NKAIN3: variants seen among roughly 807,000 people sequenced by gnomAD.
NKAIN3 encodes the protein sodium/potassium-transporting ATPase subunit beta-1-interacting protein 3.
Under a neutral mutation model 30.2 loss-of-function variants are expected in NKAIN3, and 25 were observed. That is an observed-to-expected ratio of 0.83 (90% CI 0.60 to 1.16). The LOEUF (loss-of-function observed/expected upper bound fraction) is 1.16, where lower values mean the gene tolerates loss of function less well. Among genes scored for constraint, NKAIN3 ranks in the 50% most tolerant of loss-of-function variants. The pLI is 0.00. For missense variants in NKAIN3, 225 were observed against 254.1 expected, an observed-to-expected ratio of 0.89 and a Z score of 0.78; for synonymous variants, 91 against 89.6, an observed-to-expected ratio of 1.02 and a Z score of -0.09.
intron 3 of NKAIN3, among the ~76,000 whole-genome samples, chr8:62,710,760 T>A (rs989211213): frequency 6.6e-5 from 10 of 152,214 alleles, no homozygotes; most frequent in African/African-American, 2.4e-4. Context: ...TTCATCATGC[T>A]CTTCATTGCC....
intron 3 of NKAIN3, among the ~76,000 whole-genome samples, chr8:62,592,683 A>G (rs35915553): frequency 0.094 from 14,330 of 152,046 alleles, 707 homozygotes; most frequent in Middle Eastern, 0.17. Context: ...TTAAAATGAC[A>G]ATAGTTAATG....
At chr8:62,542,944 G>C (rs1040273439) in intron 1 of NKAIN3, among the ~76,000 whole-genome samples, 1 of 152,056 alleles carries the variant, frequency 6.6e-6, no homozygotes. Context: ...GCAGAAGCTA[G>C]TTTCAGAGTT....
chr8:62,326,774 T>C (rs77783226), intron 1 of NKAIN3, among the ~76,000 whole-genome samples: 1,705 of 152,016 alleles, frequency 0.011, 12 homozygotes, highest in Middle Eastern at 0.024. Context: ...TATACAAATA[T>C]CTGTTTGAGC....
At chr8:62,549,798 A>AGGTGATAT (rs1277368531) in intron 1 of NKAIN3, among the ~76,000 whole-genome samples, 1 of 151,476 alleles carries the variant, frequency 6.6e-6, no homozygotes, top group East Asian at 1.9e-4. Flanking sequence ...AAACTTACTA[A>AGGTGATAT]GGTGATATTT....
intron 6 of NKAIN3, among the ~76,000 whole-genome samples, chr8:62,955,771 C>T (rs1047545953): frequency 6.6e-6 from 1 of 152,190 alleles, no homozygotes; most frequent in Non-Finnish European, 1.5e-5. Flanking sequence ...TCACTTCCAT[C>T]TCTGTGAATC....
chr8:62,565,709 G>T (rs535180081), intron 1 of NKAIN3, among the ~76,000 whole-genome samples: 5 of 152,198 alleles, frequency 3.3e-5, no homozygotes, highest in African/African-American at 1.2e-4. Context: ...TTGTGTTGGG[G>T]TTATGTCCTG....
intron 4 of NKAIN3, among the ~76,000 whole-genome samples, chr8:62,914,777 CTTTT>C (rs34474788): frequency 8.9e-6 from 1 of 112,164 alleles, no homozygotes; most frequent in Non-Finnish European, 1.9e-5. Flanking sequence ...TTACTGTAAT[CTTTT>C]TTTTTTTTTT....
At chr8:62,756,178 A>G (rs74640087) in intron 4 of NKAIN3, among the ~76,000 whole-genome samples, 2,147 of 152,266 alleles carry the variant, frequency 0.014, 51 homozygotes, top group African/African-American at 0.048. Context: ...AACCATCACC[A>G]TGGTCAATTT....
At chr8:62,466,916 C>T (rs1286000525) in intron 1 of NKAIN3, among the ~76,000 whole-genome samples, 1 of 152,124 alleles carries the variant, frequency 6.6e-6, no homozygotes, top group Non-Finnish European at 1.5e-5. Context: ...GAGAGATACT[C>T]TCATTTTAAA....
intron 1 of NKAIN3, among the ~76,000 whole-genome samples, chr8:62,418,032 C>A (rs1804506987): frequency 6.6e-6 from 1 of 152,066 alleles, no homozygotes; most frequent in East Asian, 1.9e-4. Context: ...AATTTTTCAT[C>A]CAAAGCAAGT....
chr8:62,823,898 G>A (rs1002001043), intron 4 of NKAIN3, among the ~76,000 whole-genome samples: 1 of 152,130 alleles, frequency 6.6e-6, no homozygotes, highest in South Asian at 2.1e-4. Context: ...GATTCCATGA[G>A]AAACAAGCTC....
intron 5 of NKAIN3, among the ~76,000 whole-genome samples, chr8:62,951,029 T>G (rs1381354352): frequency 2.0e-5 from 3 of 151,726 alleles, no homozygotes; most frequent in Non-Finnish European, 4.4e-5. Flanking sequence ...CCACTCTCTT[T>G]TCTCCAAAAC....
intron 6 of NKAIN3, among the ~76,000 whole-genome samples, chr8:62,963,019 G>A (rs1823614073): frequency 6.6e-6 from 1 of 151,952 alleles, no homozygotes; most frequent in African/African-American, 2.4e-5. Flanking sequence ...AGCCTCCCTA[G>A]TAGCTGGGAT....
chr8:62,687,460 G>C (rs1813834812), intron 3 of NKAIN3, among the ~76,000 whole-genome samples: 1 of 152,160 alleles, frequency 6.6e-6, no homozygotes, highest in Non-Finnish European at 1.5e-5. Flanking sequence ...TGAGTAATCT[G>C]ATGCTATCTT....
intron 3 of NKAIN3, among the ~76,000 whole-genome samples, chr8:62,681,660 T>C (rs956221575): frequency 2.6e-5 from 4 of 152,226 alleles, no homozygotes; most frequent in Non-Finnish European, 5.9e-5. Flanking sequence ...ATTTGTTTAA[T>C]AAATAAGTTT....
rs60036306 is a variant in NKAIN3 at position 62,331,062 on chromosome 8, CCTCT to C, written c.54+81948_54+81951del. Among the ~76,000 whole-genome samples, 580 of 144,456 alleles carry C rather than the reference CCTCT, an allele frequency of 4.0e-3. 7 individuals carry two copies. Among genetic ancestry groups the C allele is most frequent in the African/African-American group, 0.014 (545 of 38,984 alleles). The allele number at this position is 144,456 out of a possible 152,430, so 94.8% of individuals were successfully genotyped here. ...CCTCCCTCCTCTTCTACCTCCTCCTCCTCTCTCTCTCTCTCTGTCTCTCTCTCTC... is the reference window on the plus strand; with the variant it reads ...CCTCCCTCCTCTTCTACCTCCTCCTCCTCTCTCTCTCTGTCTCTCTCTCTC... On this transcript the variant is annotated intron_variant, in intron 1 of 6. Transcript: ENST00000623646.
At chr8:62,738,520 A>G (rs1815749984) in intron 3 of NKAIN3, among the ~76,000 whole-genome samples, 1 of 147,874 alleles carries the variant, frequency 6.8e-6, no homozygotes, top group African/African-American at 2.5e-5. Flanking sequence ...AATTGCTTGG[A>G]CCTAGGAGGC....
intron 3 of NKAIN3, among the ~76,000 whole-genome samples, chr8:62,653,213 C>G (rs1254798012): frequency 6.6e-6 from 1 of 152,154 alleles, no homozygotes; most frequent in Admixed American, 6.5e-5. Flanking sequence ...AGGGTGCCAG[C>G]ATGGACAGAT....
At chr8:62,569,136 A>C (rs1809846404) in intron 1 of NKAIN3, among the ~76,000 whole-genome samples, 1 of 152,148 alleles carries the variant, frequency 6.6e-6, no homozygotes, top group Non-Finnish European at 1.5e-5. Flanking sequence ...TGTTCATCCT[A>C]AGGCTTATTC....
Sources: gnomAD v4.1 joint callset for allele counts (sites outside exome capture counted in the v4.1 genomes callset) on GRCh38, gnomAD v4.1.1 for gene constraint, MANE v1.5 for transcripts, NCBI Gene and HGNC (gene_info 2026-07-23, HGNC 2026-07-21) for gene names.